Variants in MTUS2 observed in about 807,000 individuals in gnomAD.
MTUS2 encodes the protein microtubule-associated tumor suppressor candidate 2.
Under a neutral mutation model 114.1 loss-of-function variants are expected in MTUS2, and 40 were observed. The observed-to-expected ratio is 0.35, with a 90% confidence interval of 0.27 to 0.46. The LOEUF is 0.46. Ranked by LOEUF, MTUS2 falls within the 20% of genes least tolerant of loss-of-function variation. The pLI is 1.00. For synonymous variants in MTUS2, 688 were observed against 672.0 expected (o/e 1.02, Z -0.37); for missense variants, 1,679 against 1,705.4 (o/e 0.98, Z 0.27).
intron 9 of MTUS2, chr13:29,476,986 C>G (rs1309227818): frequency 6.6e-6 from 1 of 152,182 alleles, no homozygotes; most frequent in Non-Finnish European, 1.5e-5. Flanking sequence ...GTTATCCCAT[C>G]CACAGGTACA....
intron 5 of MTUS2, among the ~76,000 whole-genome samples, chr13:29,225,292 TTACTGGCATATGTCAGAGCAG>T (rs1431958351): frequency 2.9e-4 from 44 of 152,240 alleles, no homozygotes; most frequent in Non-Finnish European, 1.8e-4. Flanking sequence ...TTTTAATCCG[TTACTGGCATATGTCAGAGCAG>T]AGGATATACA....
chr13:29,012,514 G>A (rs566517989), intron 2 of MTUS2, among the ~76,000 whole-genome samples: 2 of 152,214 alleles, frequency 1.3e-5, no homozygotes, highest in East Asian at 3.9e-4. Context: ...ATTAGGAAGG[G>A]AATAAATTAG....
intron 6 of MTUS2, among the ~76,000 whole-genome samples, chr13:29,284,300 A>G (rs967617532): frequency 2.6e-5 from 4 of 152,158 alleles, no homozygotes; most frequent in African/African-American, 9.7e-5. Context: ...GCAACAAAAG[A>G]TGGAGGAAAA....
At chr13:29,492,567 T>G (rs187233738) in intron 11 of MTUS2, 79 bp from the exon 12 acceptor site, 3 of 1,148,102 alleles carry the variant, frequency 2.6e-6, no homozygotes, top group Non-Finnish European at 2.6e-6. Context: ...AAGTCACAGG[T>G]CTTAAGTCTG....
chr13:29,320,758 G>A (rs1314727971), intron 6 of MTUS2, among the ~76,000 whole-genome samples: 6 of 152,228 alleles, frequency 3.9e-5, no homozygotes, highest in South Asian at 4.1e-4. Flanking sequence ...AGATGCAGAG[G>A]TTAAGGCACA....
chr13:29,198,553 C>CT (rs1009276321), intron 5 of MTUS2, among the ~76,000 whole-genome samples: 7 of 151,990 alleles, frequency 4.6e-5, no homozygotes, highest in East Asian at 1.9e-4. Context: ...GCTATCTGGG[C>CT]TTTTTTTTAG....
intron 2 of MTUS2, among the ~76,000 whole-genome samples, chr13:28,907,788 C>A (rs937348232): frequency 6.6e-6 from 1 of 151,436 alleles, no homozygotes; most frequent in Non-Finnish European, 1.5e-5. Context: ...ACTTAGACTC[C>A]CACACAATAA....
At chr13:29,105,385 A>C (rs1462955036) in intron 5 of MTUS2, among the ~76,000 whole-genome samples, 1 of 152,234 alleles carries the variant, frequency 6.6e-6, no homozygotes, top group African/African-American at 2.4e-5. Context: ...ATATCGCCCA[A>C]GGATAGAATA....
At chr13:28,984,772 C>T (rs1189093408) in intron 2 of MTUS2, among the ~76,000 whole-genome samples, 1 of 152,194 alleles carries the variant, frequency 6.6e-6, no homozygotes, top group East Asian at 1.9e-4. Flanking sequence ...CATGACATTC[C>T]TAAGGAAGGG....
chr13:29,114,892 A>T (rs905902552), intron 5 of MTUS2, among the ~76,000 whole-genome samples: 14 of 152,278 alleles, frequency 9.2e-5, no homozygotes, highest in Non-Finnish European at 1.8e-4. Context: ...AAACAGAAAA[A>T]TTTTTTAAGT....
intron 2 of MTUS2, among the ~76,000 whole-genome samples, chr13:29,011,027 T>C (rs887965383): frequency 6.6e-6 from 1 of 152,150 alleles, no homozygotes; most frequent in South Asian, 2.1e-4. Context: ...CAAACACTTA[T>C]GCATACATGT....
intron 9 of MTUS2, among the ~76,000 whole-genome samples, chr13:29,470,061 C>T (rs1362094129): frequency 6.6e-6 from 1 of 152,000 alleles, no homozygotes; most frequent in East Asian, 1.9e-4. Flanking sequence ...GCCCAAAATG[C>T]CCTTCACCTT....
chr13:29,498,030 G>A (rs1412268877), intron 13 of MTUS2, among the ~76,000 whole-genome samples: 1 of 152,176 alleles, frequency 6.6e-6, no homozygotes, highest in Non-Finnish European at 1.5e-5. Context: ...GGGCATAGGT[G>A]GGACCTATAA....
intron 2 of MTUS2, among the ~76,000 whole-genome samples, chr13:28,920,675 A>G (rs1593300757): frequency 6.6e-6 from 1 of 152,310 alleles, no homozygotes; most frequent in Non-Finnish European, 1.5e-5. Context: ...AGTGGGTCCA[A>G]AGATGCTGCC....
At chr13:29,495,572 C>T (rs1005041814) in intron 12 of MTUS2, among the ~76,000 whole-genome samples, 7 of 151,906 alleles carry the variant, frequency 4.6e-5, no homozygotes, top group African/African-American at 1.7e-4. Context: ...TTTCTCTTGC[C>T]AGAAAAGTTC....
chr13:29,372,995 A>T (rs938956085), intron 8 of MTUS2, among the ~76,000 whole-genome samples: 3 of 152,230 alleles, frequency 2.0e-5, no homozygotes, highest in African/African-American at 7.2e-5. Flanking sequence ...TGAAAGTATC[A>T]TAAAATTAGT....
chr13:29,467,800 G>T (rs112430181), intron 9 of MTUS2, among the ~76,000 whole-genome samples: 56 of 152,282 alleles, frequency 3.7e-4, no homozygotes, highest in Middle Eastern at 6.8e-3. Context: ...TTGTTGAAAT[G>T]CTTATCCTCT....
chr13:28,826,978 C>G (rs1874312474), intron 1 of MTUS2, among the ~76,000 whole-genome samples: 2 of 152,200 alleles, frequency 1.3e-5, no homozygotes, highest in African/African-American at 4.8e-5. Context: ...TTGTGCTAAG[C>G]TGTTTGACAT....
At chr13:29,247,811 C>A (rs909017334) in intron 5 of MTUS2, among the ~76,000 whole-genome samples, 1 of 152,170 alleles carries the variant, frequency 6.6e-6, no homozygotes, top group Non-Finnish European at 1.5e-5. Flanking sequence ...GGAATGTAAA[C>A]TAGTACACCC....
Sources: allele counts gnomAD v4.1 joint callset (sites outside exome capture counted in the v4.1 genomes callset), GRCh38; gene constraint gnomAD v4.1.1; transcripts MANE v1.5; gene names NCBI Gene and HGNC (gene_info 2026-07-23, HGNC 2026-07-21).